The following CNTNAP5 variants were observed in gnomAD, a reference collection of about 807,000 sequenced individuals.
The protein encoded by CNTNAP5 is contactin associated protein family member 5, also known as contactin-associated protein-like 5.
In CNTNAP5, 72 loss-of-function variants were observed where a neutral mutation model predicts 150.2. The ratio of observed to expected loss-of-function variants is 0.48; its 90% CI spans 0.40 to 0.58. The LOEUF is 0.58. Among genes scored for constraint, CNTNAP5 ranks in the 20% least tolerant of loss-of-function variants. The pLI, the probability that CNTNAP5 is intolerant of heterozygous loss-of-function variation, is 0.00. For missense variants in CNTNAP5, 1,636 were observed against 1,626.2 expected, an observed-to-expected ratio of 1.01 and a Z score of -0.10; for synonymous variants, 672 against 619.8, an observed-to-expected ratio of 1.08 and a Z score of -1.25.
At chr2:124,743,445 T>C (rs1391885450) in intron 13 of CNTNAP5, among the ~76,000 whole-genome samples, 2 of 152,136 alleles carry the variant, frequency 1.3e-5, no homozygotes, top group African/African-American at 4.8e-5. Context: ...TCCTGTGAGA[T>C]GCTCTGATGG....
intron 1 of CNTNAP5, among the ~76,000 whole-genome samples, chr2:124,047,222 A>G (rs1393354676): frequency 6.6e-6 from 1 of 152,256 alleles, no homozygotes; most frequent in Non-Finnish European, 1.5e-5. Flanking sequence ...CTGAATGTTT[A>G]CAGGTAAGGA....
At chr2:124,742,716 A>C (rs2105139902) in intron 13 of CNTNAP5, among the ~76,000 whole-genome samples, 1 of 152,208 alleles carries the variant, frequency 6.6e-6, no homozygotes, top group South Asian at 2.1e-4. Flanking sequence ...TCATATGACA[A>C]TAATATTTGC....
At chr2:124,889,226 A>G (rs1380082062) in intron 21 of CNTNAP5, among the ~76,000 whole-genome samples, 3 of 151,610 alleles carry the variant, frequency 2.0e-5, no homozygotes, top group South Asian at 2.1e-4. Flanking sequence ...CAGCCTCCCA[A>G]GTAGCTGGGA....
At chr2:124,470,303 G>T (rs1573395363) in intron 6 of CNTNAP5, among the ~76,000 whole-genome samples, 1 of 152,130 alleles carries the variant, frequency 6.6e-6, no homozygotes, top group Middle Eastern at 3.4e-3. Flanking sequence ...GTTTTCCTTT[G>T]GATTTCTCTA....
At chr2:124,201,018 G>A (rs17391710) in intron 1 of CNTNAP5, among the ~76,000 whole-genome samples, 18,988 of 152,198 alleles carry the variant, frequency 0.12, 1,289 homozygotes, top group Middle Eastern at 0.3. Context: ...GGAAAAGGAG[G>A]CATCCTGCTA....
rs1156744323 is a variant in CNTNAP5, at chr2:124,451,029, TAAAAAA to T, written c.918+4110_918+4115del. On this transcript the variant is annotated intron_variant, in intron 6 of 23. Coordinates refer to ENST00000682447, the MANE Select transcript of CNTNAP5 (RefSeq NM_001367498.1). ...GGTAGCAGAATAGGACCATGTCTCT[TAAAAAA>T]AAAAAAAAAAAAAAAAATATATATA... 2.9e-3 allele frequency among the ~76,000 whole-genome samples: 58 copies of T among 20,046 alleles called. 1 individual carries two copies. The highest frequency in any genetic ancestry group is 9.0e-3 in the South Asian group (3 of 332). The allele number at this position is 20,046 out of a possible 152,430, so 13.2% of individuals were successfully genotyped here. A position where few individuals can be genotyped will look rare whatever the true frequency, so the allele number is the denominator to read the frequency against.
At chr2:124,882,893 T>C (rs1191911206) in intron 21 of CNTNAP5, among the ~76,000 whole-genome samples, 1 of 151,948 alleles carries the variant, frequency 6.6e-6, no homozygotes, top group Non-Finnish European at 1.5e-5. Context: ...AAGCCCCTTA[T>C]AAAGCAATCA....
chr2:124,506,516 T>C (rs952968040), intron 8 of CNTNAP5, among the ~76,000 whole-genome samples: 1 of 152,112 alleles, frequency 6.6e-6, no homozygotes, highest in Admixed American at 6.6e-5. Flanking sequence ...TGTCAGACCG[T>C]GGGAGACATT....
chr2:124,369,379 T>C (rs980554699), intron 3 of CNTNAP5, among the ~76,000 whole-genome samples: 1 of 152,084 alleles, frequency 6.6e-6, no homozygotes, highest in African/African-American at 2.4e-5. Context: ...CTCGTGGTTC[T>C]CGATTCTGGC....
chr2:124,661,408 G>A (rs867522044), intron 13 of CNTNAP5, among the ~76,000 whole-genome samples: 2 of 151,684 alleles, frequency 1.3e-5, no homozygotes, highest in East Asian at 1.9e-4. Flanking sequence ...AACTGGGCCC[G>A]CAAAGAATCA....
chr2:124,606,458 C>T (rs1174222525), intron 11 of CNTNAP5, among the ~76,000 whole-genome samples: 5 of 151,924 alleles, frequency 3.3e-5, no homozygotes, highest in Non-Finnish European at 4.4e-5. Flanking sequence ...AAAGTTATTT[C>T]TGTGCAGAAG....
chr2:124,817,140 T>C (rs190105095), intron 19 of CNTNAP5, among the ~76,000 whole-genome samples: 2 of 152,336 alleles, frequency 1.3e-5, no homozygotes, highest in African/African-American at 4.8e-5. Context: ...ACAAAGTTAA[T>C]GTTGAAAAAA....
Position 124,893,894 on chromosome 2 carries a change from A to G in CNTNAP5, c.3437-8988A>G, listed in dbSNP as rs1678251379. Among the ~76,000 whole-genome samples, 3 of 152,244 alleles carry G rather than the reference A, an allele frequency of 2.0e-5. No homozygotes were observed. The South Asian group carries it at 6.2e-4, about 32-fold the overall frequency. Reference sequence around the variant, plus strand: ...GAAATAACTGACTTTTAAATTGTAAAAAGTGTATTTCATAAAAATGTATAT... The same window carrying G: ...GAAATAACTGACTTTTAAATTGTAAGAAGTGTATTTCATAAAAATGTATAT... On this transcript the variant is annotated intron_variant, in intron 21 of 23. Transcript: ENST00000682447.
rs115390552 is a variant in CNTNAP5, at chr2:124,306,664, C to A, written c.381+64271C>A. Among the ~76,000 whole-genome samples the A allele has an allele frequency of 5.8e-3, 874 of 151,800 alleles. 12 individuals carry two copies. Among genetic ancestry groups the A allele is most frequent in the African/African-American group, 0.02 (823 of 41,342 alleles). ...GGAACAATCTCTACCCCAGAACACA[C>A]CTGCATGGTCATCATGGTCATGTAT... On this transcript the variant is annotated intron_variant, in intron 3 of 23. Transcript: ENST00000682447.
At chr2:124,691,107 C>T (rs754888624) in intron 13 of CNTNAP5, among the ~76,000 whole-genome samples, 6 of 152,004 alleles carry the variant, frequency 3.9e-5, no homozygotes, top group East Asian at 1.9e-4. Flanking sequence ...GATGATTGGA[C>T]GAGAAGGCTA....
At chr2:124,433,713 C>T (rs1184825277) in intron 4 of CNTNAP5, among the ~76,000 whole-genome samples, 1 of 151,802 alleles carries the variant, frequency 6.6e-6, no homozygotes, top group Non-Finnish European at 1.5e-5. Context: ...AAAAAAAACC[C>T]GCAAAAATAA....
chr2:124,176,670 T>C (rs182270879), intron 1 of CNTNAP5, among the ~76,000 whole-genome samples: 1 of 152,160 alleles, frequency 6.6e-6, no homozygotes, highest in East Asian at 1.9e-4. Flanking sequence ...GAGTATGATC[T>C]AATGTTTACA....
At chr2:124,265,384 G>T (rs896092135) in intron 3 of CNTNAP5, among the ~76,000 whole-genome samples, 1 of 151,952 alleles carries the variant, frequency 6.6e-6, no homozygotes, top group South Asian at 2.1e-4. Context: ...ATAACGGCTC[G>T]CTGACTGCAC....
At chr2:124,829,772 TGG>T (rs1476540436) in intron 19 of CNTNAP5, among the ~76,000 whole-genome samples, 6 of 151,912 alleles carry the variant, frequency 3.9e-5, no homozygotes, top group African/African-American at 1.4e-4. Context: ...AATAATACTG[TGG>T]ATGATGAAAA....
Sources: gnomAD v4.1 joint callset for allele counts (sites outside exome capture counted in the v4.1 genomes callset) on GRCh38, gnomAD v4.1.1 for gene constraint, MANE v1.5 for transcripts, NCBI Gene and HGNC (gene_info 2026-07-23, HGNC 2026-07-21) for gene names.